Variants in ROR1 observed in about 807,000 individuals in gnomAD.
ROR1 encodes inactive tyrosine-protein kinase transmembrane receptor ROR1.
In ROR1, 19 loss-of-function variants were observed where a neutral mutation model predicts 78.8. That is an observed-to-expected ratio of 0.24 (90% CI 0.17 to 0.35). The LOEUF is 0.35. Ranked by LOEUF, ROR1 falls within the 10% of genes least tolerant of loss-of-function variation. The probability of loss-of-function intolerance (pLI) is 1.00; values close to 1 mark genes in which losing one functional copy is unlikely to be tolerated. For synonymous variants in ROR1, 386 were observed against 433.6 expected (o/e 0.89, Z 1.36); for missense variants, 917 against 1,177.8 (o/e 0.78, Z 3.24).
At chr1:64,088,199 A>G (rs1321073643) in intron 4 of ROR1, among the ~76,000 whole-genome samples, 1 of 152,234 alleles carries the variant, frequency 6.6e-6, no homozygotes, top group Non-Finnish European at 1.5e-5. Context: ...GAGACAATCT[A>G]TAGAATAATC....
chr1:64,139,858 AT>A (rs1369341361), intron 5 of ROR1, among the ~76,000 whole-genome samples: 5 of 151,940 alleles, frequency 3.3e-5, no homozygotes, highest in South Asian at 2.1e-4. Context: ...AACTTAATTA[AT>A]TTTTTTATTA....
At chr1:63,946,086 T>C (rs1347379342) in intron 1 of ROR1, among the ~76,000 whole-genome samples, 3 of 152,232 alleles carry the variant, frequency 2.0e-5, no homozygotes, top group Admixed American at 6.5e-5. Context: ...AAAGTTTGGC[T>C]GTCATAGCCC....
At chr1:64,120,194 G>A (rs929569620) in intron 4 of ROR1, among the ~76,000 whole-genome samples, 1 of 151,772 alleles carries the variant, frequency 6.6e-6, no homozygotes, top group Admixed American at 6.6e-5. Context: ...TATCCAGAGA[G>A]CAGGATTCTT....
chr1:63,950,805 A>C (rs1410182505), intron 1 of ROR1, among the ~76,000 whole-genome samples: 2 of 152,238 alleles, frequency 1.3e-5, no homozygotes, highest in African/African-American at 2.4e-5. Flanking sequence ...TTTAAGGGGA[A>C]TACATGAGAG....
At chr1:64,000,619 G>A (rs1026248562) in intron 1 of ROR1, among the ~76,000 whole-genome samples, 1 of 152,212 alleles carries the variant, frequency 6.6e-6, no homozygotes, top group Admixed American at 6.5e-5. Context: ...AACAAATAAC[G>A]ACAAAAAGAA....
chr1:63,926,156 T>A (rs908730799), intron 1 of ROR1, among the ~76,000 whole-genome samples: 1 of 151,638 alleles, frequency 6.6e-6, no homozygotes, highest in African/African-American at 2.4e-5. Flanking sequence ...AGGTCTAACG[T>A]TTAAGTCTTT....
chr1:64,154,668 G>C (rs1649723153), intron 7 of ROR1, among the ~76,000 whole-genome samples: 2 of 152,136 alleles, frequency 1.3e-5, no homozygotes, highest in South Asian at 4.1e-4. Flanking sequence ...AGGAATGTCA[G>C]ATGTGAACTG....
At chr1:63,954,989 T>C (rs1645969489) in intron 1 of ROR1, among the ~76,000 whole-genome samples, 1 of 152,176 alleles carries the variant, frequency 6.6e-6, no homozygotes. Context: ...GGTTGTGGGA[T>C]GGAGCAGTGG....
intron 1 of ROR1, among the ~76,000 whole-genome samples, chr1:63,776,709 C>T (rs540364032): frequency 3.2e-4 from 48 of 152,278 alleles, no homozygotes; most frequent in African/African-American, 1.1e-3. Context: ...CCTTTAATTT[C>T]GCTTCTCTTT....
intron 8 of ROR1, among the ~76,000 whole-genome samples, chr1:64,159,688 TA>T (rs5774686): frequency 6.6e-6 from 1 of 151,828 alleles, no homozygotes; most frequent in African/African-American, 2.4e-5. Context: ...TACCACGATT[TA>T]AAAAAAATCC....
At chr1:64,050,656 G>GT (rs1557627351) in intron 3 of ROR1, 30 bp from the exon 4 acceptor site, 1 of 1,610,946 alleles carries the variant, frequency 6.2e-7, no homozygotes, top group Non-Finnish European at 8.5e-7. Flanking sequence ...TAGACTGACT[G>GT]TTTCTTTTGT....
intron 4 of ROR1, among the ~76,000 whole-genome samples, chr1:64,080,511 G>A (rs913086277): frequency 2.0e-5 from 3 of 152,188 alleles, no homozygotes; most frequent in Non-Finnish European, 2.9e-5. Flanking sequence ...TTGTGTGGTT[G>A]AATACTCTGT....
intron 4 of ROR1, among the ~76,000 whole-genome samples, chr1:64,119,638 C>CAAAA (rs11338825): frequency 4.0e-5 from 3 of 75,480 alleles, no homozygotes; most frequent in African/African-American, 1.0e-4. Context: ...GGCTCCGTCT[C>CAAAA]AAAAAAAAAA....
rs1476358941 is a variant in ROR1 at position 64,179,026 on chromosome 1, A to G, written c.*171A>G. On this transcript the variant is annotated 3_prime_UTR_variant, in exon 9 of 9. Transcript: ENST00000371079. ...CAAGCAGGACAGACACTCGGCCAGA[A>G]AAAAAAAAAAAAAAAAAAAACAAGC... 1.6e-4 allele frequency: 12 copies of G among 74,642 alleles called. No individual in the cohort carries two copies. In the African/African-American group the frequency reaches 1.6e-3, roughly 10 times the overall value. The allele number at this position is 74,642 out of a possible 1,614,324, so 4.6% of individuals were successfully genotyped here. A position where few individuals can be genotyped will look rare whatever the true frequency, so the allele number is the denominator to read the frequency against.
At chr1:64,096,859 C>G (rs1647318111) in intron 4 of ROR1, among the ~76,000 whole-genome samples, 1 of 151,792 alleles carries the variant, frequency 6.6e-6, no homozygotes, top group African/African-American at 2.4e-5. Context: ...ACACTCCCAC[C>G]AACAGTGTAT....
chr1:63,976,952 T>C (rs1272787243), intron 1 of ROR1, among the ~76,000 whole-genome samples: 1 of 152,216 alleles, frequency 6.6e-6, no homozygotes, highest in Non-Finnish European at 1.5e-5. Context: ...AGAGATTTAA[T>C]TGACTCACAG....
chr1:64,032,340 C>CAAAAAAAAAAA (rs66602515), intron 2 of ROR1, among the ~76,000 whole-genome samples: 1 of 76,344 alleles, frequency 1.3e-5, no homozygotes, highest in African/African-American at 5.1e-5. Flanking sequence ...GACTCCGTCT[C>CAAAAAAAAAAA]AAAAAAAAAA....
At chr1:63,894,388 T>G (rs1645423339) in intron 1 of ROR1, among the ~76,000 whole-genome samples, 1 of 152,168 alleles carries the variant, frequency 6.6e-6, no homozygotes, top group Admixed American at 6.5e-5. Flanking sequence ...TTCTAAAAGT[T>G]TATAAGAGAA....
Position 64,140,390 on chromosome 1 carries a change from C to A in ROR1, c.892C>A (p.Arg298=), listed in dbSNP as rs1432743881. ...PESPEAANCI[R]IGIPMADPIN... is the part of the protein sequence containing the mutation. Reference sequence around the variant, plus strand: ...GAGCCCAGAAGCTGCGAACTGTATCCGGATTGGAATTCCCATGGCAGATCC... The same window carrying A: ...GAGCCCAGAAGCTGCGAACTGTATCAGGATTGGAATTCCCATGGCAGATCC... The change falls in exon 6 of 9, where the codon CGG becomes AGG. Residue 298 remains arginine (R), a synonymous_variant. Transcript: ENST00000371079. 6.2e-7 allele frequency: 1 copy of A among 1,614,094 alleles called. No individual in the cohort carries two copies. The highest frequency in any genetic ancestry group is 1.3e-5 in the African/African-American group (1 of 75,038).
Sources: gnomAD v4.1 joint callset for allele counts (sites outside exome capture counted in the v4.1 genomes callset) on GRCh38, gnomAD v4.1.1 for gene constraint, MANE v1.5 for transcripts, NCBI Gene and HGNC (gene_info 2026-07-23, HGNC 2026-07-21) for gene names.